CFAP299: variants seen among roughly 807,000 people sequenced by gnomAD.
The protein encoded by CFAP299 is cilia- and flagella-associated protein 299.
Under a neutral mutation model 27.0 loss-of-function variants are expected in CFAP299, and 21 were observed. The observed-to-expected ratio is 0.78, with a 90% confidence interval of 0.55 to 1.12. The LOEUF is 1.12. CFAP299 is among the 50% of genes most tolerant of loss of function. The probability of loss-of-function intolerance (pLI) is 0.00; values close to 1 mark genes in which losing one functional copy is unlikely to be tolerated. For missense variants in CFAP299, 310 were observed against 276.6 expected, an observed-to-expected ratio of 1.12 and a Z score of -0.86; for synonymous variants, 104 against 98.1, an observed-to-expected ratio of 1.06 and a Z score of -0.36.
At chr4:80,903,354 T>C (rs1735022444) in intron 4 of CFAP299, among the ~76,000 whole-genome samples, 1 of 152,086 alleles carries the variant, frequency 6.6e-6, no homozygotes. Context: ...CATCTATTTA[T>C]TATCAAGAAA....
At chr4:80,892,046 C>A (rs1409453922) in intron 4 of CFAP299, among the ~76,000 whole-genome samples, 2 of 151,912 alleles carry the variant, frequency 1.3e-5, no homozygotes, top group Non-Finnish European at 2.9e-5. Context: ...CCCAGAATAG[C>A]CAAAGCTATC....
intron 3 of CFAP299, among the ~76,000 whole-genome samples, chr4:80,816,734 C>T (rs1450248721): frequency 6.6e-6 from 1 of 152,102 alleles, no homozygotes; most frequent in Non-Finnish European, 1.5e-5. Flanking sequence ...TGGAAACCAT[C>T]AGTATAGTGC....
At chr4:80,683,142 T>C (rs1719951054) in intron 3 of CFAP299, among the ~76,000 whole-genome samples, 1 of 152,186 alleles carries the variant, frequency 6.6e-6, no homozygotes, top group Non-Finnish European at 1.5e-5. Flanking sequence ...CATGGACTGA[T>C]GTGGTGATGG....
At chr4:80,688,620 CT>C (rs1720408926) in intron 3 of CFAP299, among the ~76,000 whole-genome samples, 1 of 152,212 alleles carries the variant, frequency 6.6e-6, no homozygotes, top group South Asian at 2.1e-4. Flanking sequence ...ACTGGAAACT[CT>C]AAAAAGCACA....
chr4:80,488,848 C>T (rs1578504582), intron 2 of CFAP299, among the ~76,000 whole-genome samples: 2 of 152,190 alleles, frequency 1.3e-5, no homozygotes, highest in East Asian at 3.9e-4. Flanking sequence ...GGTGGTTCAG[C>T]ATGGAATCTG....
chr4:80,904,702 C>G (rs1033566685), intron 4 of CFAP299, among the ~76,000 whole-genome samples: 1 of 152,106 alleles, frequency 6.6e-6, no homozygotes, highest in Non-Finnish European at 1.5e-5. Context: ...TTGGTGTTTT[C>G]TCATGGTTCA....
In CFAP299 at chr4:80,864,193, A is replaced by G. The variant is rs554628034; in HGVS notation, c.334-5800A>G. 2.6e-5 allele frequency among the ~76,000 whole-genome samples: 4 copies of G among 152,032 alleles called. 1 individual carries two copies. The highest frequency in any genetic ancestry group is 4.1e-4 in the South Asian group (2 of 4,822). On this transcript the variant is annotated intron_variant, in intron 3 of 5. Coordinates refer to ENST00000358105, the MANE Select transcript of CFAP299 (RefSeq NM_152770.3). Reference sequence around the variant, plus strand: ...ACTTAAATAAAGCTTTTATTTAAAAATGTTTTTAGTTAAACCTAAGCAATT... The same window carrying G: ...ACTTAAATAAAGCTTTTATTTAAAAGTGTTTTTAGTTAAACCTAAGCAATT...
chr4:80,631,017 C>T (rs2109946316), intron 3 of CFAP299, among the ~76,000 whole-genome samples: 1 of 152,070 alleles, frequency 6.6e-6, no homozygotes, highest in Non-Finnish European at 1.5e-5. Context: ...CAATCAATTG[C>T]AGGGCTATGC....
chr4:80,915,148 T>A (rs984863035), intron 4 of CFAP299, among the ~76,000 whole-genome samples: 1 of 152,042 alleles, frequency 6.6e-6, no homozygotes, highest in Admixed American at 6.6e-5. Context: ...GCTCATGATT[T>A]TTGCTTTGAC....
At chr4:80,721,260 A>G (rs1455620044) in intron 3 of CFAP299, among the ~76,000 whole-genome samples, 2 of 152,212 alleles carry the variant, frequency 1.3e-5, no homozygotes, top group African/African-American at 4.8e-5. Flanking sequence ...AAACACAAAG[A>G]AAGTTACATC....
intron 3 of CFAP299, among the ~76,000 whole-genome samples, chr4:80,774,445 A>G (rs899370216): frequency 8.6e-5 from 13 of 151,942 alleles, no homozygotes; most frequent in African/African-American, 2.9e-4. Flanking sequence ...TTCTGCTACT[A>G]TAAAAAATGC....
chr4:80,388,753 A>AT (rs1725170949), intron 2 of CFAP299: 5 of 498,282 alleles, frequency 1.0e-5, no homozygotes, highest in South Asian at 6.6e-5. Context: ...TAATCAATAG[A>AT]TTTTTTGGGG....
At chr4:80,665,842 T>A (rs1335623590) in intron 3 of CFAP299, among the ~76,000 whole-genome samples, 1 of 152,122 alleles carries the variant, frequency 6.6e-6, no homozygotes, top group African/African-American at 2.4e-5. Flanking sequence ...GAGTGAGTCC[T>A]TGTGAGATCT....
chr4:80,540,423 C>T (rs1343443717), intron 2 of CFAP299, among the ~76,000 whole-genome samples: 1 of 152,140 alleles, frequency 6.6e-6, no homozygotes, highest in Non-Finnish European at 1.5e-5. Flanking sequence ...AATAATGTTA[C>T]AAGAGTACAT....
chr4:80,716,634 T>C (rs1190128233), intron 3 of CFAP299, among the ~76,000 whole-genome samples: 1 of 152,094 alleles, frequency 6.6e-6, no homozygotes, highest in Non-Finnish European at 1.5e-5. Flanking sequence ...GCTTACTTCT[T>C]TATTTATAAT....
chr4:80,736,945 A>C (rs1343399971), intron 3 of CFAP299, among the ~76,000 whole-genome samples: 1 of 152,230 alleles, frequency 6.6e-6, no homozygotes, highest in South Asian at 2.1e-4. Flanking sequence ...TGGATTAAGA[A>C]AATGTGGCAC....
rs986778219 is a variant in CFAP299 at position 80,699,040 on chromosome 4, T to C, written c.333+115857T>C. ...TGAAAAATTACCAAGTGTTTAATAT[T>C]TCTGGCATAATTTAAATTTCTGTAG... On this transcript the variant is annotated intron_variant, in intron 3 of 5. Transcript: ENST00000358105. Among the ~76,000 whole-genome samples the C allele has an allele frequency of 3.9e-5, 6 of 152,152 alleles. No individual in the cohort carries two copies. The East Asian group carries it at 1.2e-3, about 29-fold the overall frequency.
At chr4:80,902,184 A>G (rs1734933515) in intron 4 of CFAP299, among the ~76,000 whole-genome samples, 1 of 151,562 alleles carries the variant, frequency 6.6e-6, no homozygotes, top group Non-Finnish European at 1.5e-5. Context: ...AATAGGTAGA[A>G]TGTATAATTA....
At chr4:80,424,499 T>C (rs1479234060) in intron 2 of CFAP299, among the ~76,000 whole-genome samples, 1 of 152,202 alleles carries the variant, frequency 6.6e-6, no homozygotes, top group Non-Finnish European at 1.5e-5. Context: ...ATGAGGCAGC[T>C]TCTCAAAGAT....
Sources: gnomAD v4.1 joint callset for allele counts (sites outside exome capture counted in the v4.1 genomes callset) on GRCh38, gnomAD v4.1.1 for gene constraint, MANE v1.5 for transcripts, NCBI Gene and HGNC (gene_info 2026-07-23, HGNC 2026-07-21) for gene names.